GAB4: variants seen among roughly 807,000 people sequenced by gnomAD.
The protein encoded by GAB4 is GRB2 associated binding protein family member 4.
A neutral mutation model predicts 51.3 loss-of-function variants in GAB4; 26 were observed. The observed-to-expected ratio is 0.51, with a 90% CI of 0.37 to 0.70. The LOEUF is 0.70. Among genes scored for constraint, GAB4 ranks in the 30% least tolerant of loss-of-function variants. The pLI is 0.00. For synonymous variants in GAB4, 329 were observed against 291.2 expected, an observed-to-expected ratio of 1.13 and a Z score of -1.32; for missense variants, 759 against 734.6, an observed-to-expected ratio of 1.03 and a Z score of -0.38.
intron 2 of GAB4, 142 bp from the exon 3 acceptor site, chr22:16,988,309 C>A (rs931547420): frequency 2.0e-4 from 134 of 670,898 alleles, no homozygotes; most frequent in Middle Eastern, 3.9e-4. Context: ...CAGAGGAGGG[C>A]TGGGGCCTCC....
At chr22:17,005,834 A>T (rs2061036158) in intron 1 of GAB4, among the ~76,000 whole-genome samples, 1 of 152,346 alleles carries the variant, frequency 6.6e-6, no homozygotes, top group Non-Finnish European at 1.5e-5. Context: ...CTTATATCTT[A>T]TACAAAAATT....
intron 8 of GAB4, 73 bp downstream of exon 8, chr22:16,964,693 T>C: frequency 9.2e-7 from 1 of 1,088,730 alleles, no homozygotes; most frequent in Non-Finnish European, 1.4e-6. Flanking sequence ...GTAGCTAAGC[T>C]GGGAAGCGGG....
intron 3 of GAB4, among the ~76,000 whole-genome samples, chr22:16,979,021 G>A (rs904222516): frequency 6.6e-6 from 1 of 152,146 alleles, no homozygotes; most frequent in African/African-American, 2.4e-5. Flanking sequence ...AGGTATTGAT[G>A]GGATGTATCT....
At position 16,970,084 on chromosome 22, in the gene GAB4, G is replaced by A. The variant is rs1400931707; in HGVS notation, c.796C>T (p.His266Tyr). The A allele has an allele frequency of 5.0e-6, 8 of 1,614,176 alleles. No homozygotes were observed. In the South Asian group the frequency reaches 8.8e-5, roughly 18 times the overall value. Residue 266 changes from histidine (H) to tyrosine (Y), a missense_variant, in exon 4 of 10, where the codon CAC (histidine) becomes TAC (tyrosine). Physicochemically the swap from His to Tyr is moderately conservative, Grantham distance 83. Around this residue, in one of 3 missense-constraint regions of GAB4, gnomAD observed 588 missense variants for 510.2 expected, o/e 1.15. Coordinates refer to ENST00000400588, the MANE Select transcript of GAB4 (RefSeq NM_001037814.1). ...SGYSVDGVSG[H>Y]IHGFHSLSKP... The stretch of plus-strand genomic sequence containing the variant: ...GAAAGGCTATGGAAGCCATGGATGT[G>A]ACCGCTGACCCCATCAACACTGTAT...
chr22:16,971,055 G>A (rs149847530), intron 3 of GAB4, among the ~76,000 whole-genome samples: 2,498 of 151,984 alleles, frequency 0.016, 40 homozygotes, highest in Middle Eastern at 0.038. Context: ...AAAATTAGCC[G>A]GGCATGGTGA....
At chr22:16,999,440 A>T (rs1321336770) in intron 1 of GAB4, among the ~76,000 whole-genome samples, 1 of 152,208 alleles carries the variant, frequency 6.6e-6, no homozygotes, top group East Asian at 1.9e-4. Flanking sequence ...AGGTGTTTAT[A>T]GTATTCTCTG....
rs1283668316 is a variant in GAB4, at chr22:16,992,124, G to A, written c.227C>T (p.Pro76Leu). 1.2e-6 allele frequency: 2 copies of A among 1,614,156 alleles called. No homozygotes were observed. The highest frequency in any genetic ancestry group is 1.7e-5 in the Admixed American group (1 of 60,030). Residue 76 changes from proline (P) to leucine (L), a missense_variant, in exon 2 of 10, where the codon CCA becomes CTA. This residue lies in a region of GAB4 where 88 missense variants were observed against 151.3 expected (regional missense o/e 0.58). Transcript: ENST00000400588. Reference sequence around the variant, plus strand: ...ATTCTTGTAGTATTCCAGAACATCTGGGTCACTGCTAGTCTGGCCCCTCCG... The same window carrying A: ...ATTCTTGTAGTATTCCAGAACATCTAGGTCACTGCTAGTCTGGCCCCTCCG... ...ILRRGQTSSD[P>L]DVLEYYKNDG...
intron 3 of GAB4, among the ~76,000 whole-genome samples, chr22:16,977,897 A>C (rs1350584640): frequency 6.6e-6 from 1 of 152,222 alleles, no homozygotes; most frequent in Non-Finnish European, 1.5e-5. Context: ...GCACAACTAC[A>C]TGGAAACTGA....
chr22:16,991,670 G>A (rs1441519520), intron 2 of GAB4, among the ~76,000 whole-genome samples: 13 of 152,208 alleles, frequency 8.5e-5, no homozygotes, highest in Admixed American at 5.9e-4. Context: ...GCAAAGTGCA[G>A]AGAGCTCAGG....
At chr22:16,989,845 G>A (rs1192805654) in intron 2 of GAB4, among the ~76,000 whole-genome samples, 5 of 152,164 alleles carry the variant, frequency 3.3e-5, no homozygotes, top group Admixed American at 6.5e-5. Context: ...CCCTGACTCC[G>A]GATACCGCAG....
At chr22:16,991,616 G>A (rs1016810987) in intron 2 of GAB4, among the ~76,000 whole-genome samples, 30 of 152,230 alleles carry the variant, frequency 2.0e-4, no homozygotes, top group Admixed American at 5.2e-4. Context: ...ATCAGTAGAA[G>A]GCGAAGGAGA....
At chr22:16,973,521 GA>G (rs1189211307) in intron 3 of GAB4, among the ~76,000 whole-genome samples, 2 of 152,112 alleles carry the variant, frequency 1.3e-5, no homozygotes, top group African/African-American at 4.8e-5. Flanking sequence ...ACTCACCCCT[GA>G]GTACGTCCCA....
intron 1 of GAB4, among the ~76,000 whole-genome samples, chr22:16,994,668 G>C (rs985101631): frequency 1.3e-5 from 2 of 152,146 alleles, no homozygotes; most frequent in African/African-American, 4.8e-5. Flanking sequence ...CCTAGCTCTG[G>C]GAGGGTTTTT....
chr22:16,965,961 TCA>T, intron 6 of GAB4, 137 bp downstream of exon 6: 1 of 792,588 alleles, frequency 1.3e-6, no homozygotes, highest in Non-Finnish European at 2.1e-6. Flanking sequence ...TATCTCCATT[TCA>T]CAGAGGAGAA....
At chr22:16,996,735 A>G (rs2123714994) in intron 1 of GAB4, among the ~76,000 whole-genome samples, 1 of 152,252 alleles carries the variant, frequency 6.6e-6, no homozygotes, top group East Asian at 1.9e-4. Flanking sequence ...ATATGTAAAC[A>G]TGTGCCATGT....
chr22:16,968,405 C>T (rs778831800), intron 4 of GAB4, 22 bp from the exon 5 acceptor site: 1 of 1,560,560 alleles, frequency 6.4e-7, no homozygotes, highest in African/African-American at 1.4e-5. Context: ...GAAGGAGATC[C>T]ACATGCATCA....
At chr22:16,981,443 A>T (rs1319561615) in intron 3 of GAB4, among the ~76,000 whole-genome samples, 1 of 152,164 alleles carries the variant, frequency 6.6e-6, no homozygotes, top group South Asian at 2.1e-4. Flanking sequence ...AAAAAAGGAG[A>T]CATTACATCT....
intron 6 of GAB4, 128 bp from the exon 7 acceptor site, chr22:16,965,396 G>T: frequency 1.4e-6 from 1 of 698,932 alleles, no homozygotes; most frequent in Non-Finnish European, 2.5e-6. Flanking sequence ...TGTGTGCGGG[G>T]GACTGAGGCT....
At chr22:16,991,306 G>A (rs2060911823) in intron 2 of GAB4, among the ~76,000 whole-genome samples, 2 of 146,296 alleles carry the variant, frequency 1.4e-5, no homozygotes, top group Non-Finnish European at 1.5e-5. Context: ...CCATATATCT[G>A]CCTCAGGAAA....
Sources: gnomAD v4.1 joint callset for allele counts (sites outside exome capture counted in the v4.1 genomes callset) on GRCh38, gnomAD v4.1.1 for gene constraint, gnomAD v4.1.1 regional missense constraint, MANE v1.5 for transcripts, NCBI Gene and HGNC (gene_info 2026-07-23, HGNC 2026-07-21) for gene names.